Variants in WNT3 observed in about 807,000 individuals in gnomAD.
WNT3 encodes the protein proto-oncogene Wnt-3.
In WNT3, 7 loss-of-function variants were observed where a neutral mutation model predicts 34.2. That is an observed-to-expected ratio of 0.20 (90% CI 0.12 to 0.38). WNT3 has a LOEUF of 0.38. WNT3 is among the 10% of genes least tolerant of loss of function. WNT3 has a pLI of 1.00. For synonymous variants in WNT3, 212 were observed against 211.5 expected (o/e 1.00, Z -0.02); for missense variants, 267 against 499.8 (o/e 0.53, Z 4.44).
chr17:46,780,742 G>T (rs970510114), intron 1 of WNT3, among the ~76,000 whole-genome samples: 2 of 151,800 alleles, frequency 1.3e-5, no homozygotes, highest in Admixed American at 1.3e-4. Context: ...GCGCCACTGC[G>T]CTCCAGCCTG....
At chr17:46,792,235 G>T (rs1267945543) in intron 1 of WNT3, among the ~76,000 whole-genome samples, 1 of 152,230 alleles carries the variant, frequency 6.6e-6, no homozygotes, top group Non-Finnish European at 1.5e-5. Context: ...CACCATGGGT[G>T]GGAGGAGGTG....
chr17:46,809,672 C>T (rs981613545), intron 1 of WNT3, among the ~76,000 whole-genome samples: 10 of 152,198 alleles, frequency 6.6e-5, no homozygotes, highest in Non-Finnish European at 1.3e-4. Context: ...TCCCATGTGT[C>T]CCTGGTTGGA....
In WNT3 at chr17:46,787,091, C is replaced by G. The variant is rs1210350501; in HGVS notation, c.81-13182G>C. ...TAGCTGAGACTACAGGCACATGCCA[C>G]TATGCTCTGCTAAGTTTTTAAAATT... is the stretch of plus-strand genomic sequence containing the variant. On this transcript the variant is annotated intron_variant, in intron 1 of 4. Coordinates refer to ENST00000225512, the MANE Select transcript of WNT3 (RefSeq NM_030753.5). 2.0e-5 allele frequency among the ~76,000 whole-genome samples: 3 copies of G among 152,068 alleles called. No homozygotes were observed. The East Asian group carries it at 5.8e-4, about 29-fold the overall frequency.
intron 1 of WNT3, among the ~76,000 whole-genome samples, chr17:46,809,390 C>A (rs1481710810): frequency 6.6e-6 from 1 of 152,220 alleles, no homozygotes; most frequent in East Asian, 1.9e-4. Context: ...ATAAGTGGGA[C>A]TCTGTGCCCA....
At chr17:46,783,595 T>C (rs577246174) in intron 1 of WNT3, among the ~76,000 whole-genome samples, 9 of 152,294 alleles carry the variant, frequency 5.9e-5, no homozygotes, top group Non-Finnish European at 1.2e-4. Flanking sequence ...CCCAAGGCAC[T>C]TGTAACTTTC....
intron 1 of WNT3, among the ~76,000 whole-genome samples, chr17:46,790,867 G>A (rs1329825181): frequency 6.6e-6 from 1 of 152,186 alleles, no homozygotes; most frequent in African/African-American, 2.4e-5. Flanking sequence ...ACACGCTCAC[G>A]TACATCGGAA....
chr17:46,790,163 C>T (rs572394963), intron 1 of WNT3, among the ~76,000 whole-genome samples: 1 of 152,318 alleles, frequency 6.6e-6, no homozygotes, highest in South Asian at 2.1e-4. Context: ...TCAGTCCCTG[C>T]CACCCATTCC....
At chr17:46,773,522 T>G in intron 2 of WNT3, 146 bp downstream of exon 2, 1 of 909,748 alleles carries the variant, frequency 1.1e-6, no homozygotes, top group Non-Finnish European at 1.7e-6. Flanking sequence ...CCTGGGAAGG[T>G]GTGGCAGTCA....
chr17:46,773,646 C>T (rs547317258), intron 2 of WNT3, 22 bp downstream of exon 2: 12 of 1,458,904 alleles, frequency 8.2e-6, no homozygotes, highest in East Asian at 2.7e-5. Context: ...CCCCTCCCCC[C>T]CCCTCAGCCC....
At chr17:46,773,628 C>CCA in intron 2 of WNT3, 40 bp downstream of exon 2, 1 of 435,286 alleles carries the variant, frequency 2.3e-6, no homozygotes. Context: ...ATCCCTCCCC[C>CCA]CACCCAGCCC....
chr17:46,788,373 G>A (rs1008652730), intron 1 of WNT3, among the ~76,000 whole-genome samples: 4 of 152,074 alleles, frequency 2.6e-5, no homozygotes, highest in African/African-American at 4.8e-5. Flanking sequence ...TTAGGCTGCC[G>A]TTCTGAGCAG....
Position 46,768,398 on chromosome 17 carries a change from G to A in WNT3, c.990C>T (p.Cys330=), listed in dbSNP as rs558188140. The A allele has an allele frequency of 2.5e-6, 4 of 1,613,934 alleles. No individual in the cohort carries two copies. In the East Asian group the frequency reaches 6.7e-5, roughly 27 times the overall value. The change falls in exon 4 of 5, where the codon TGC becomes TGT. Residue 330 remains cysteine, a synonymous_variant. Transcript: ENST00000225512. This position sits in a 1 kb window ranked among gnomAD's most constrained non-coding sequence, Gnocchi z 5.0. ...AGCAGCACCAGTGGAAGATGCAGTG[G>A]CATTTTTCCTTCCGCTTCTCCGTCC... ...NTRTEKRKEK[C]HCIFHWCCYV...
intron 1 of WNT3, among the ~76,000 whole-genome samples, chr17:46,798,771 T>C (rs547946652): frequency 5.5e-4 from 83 of 152,214 alleles, no homozygotes; most frequent in African/African-American, 1.9e-3. Flanking sequence ...CCTGATAGGC[T>C]GGGCGCAGTG....
intron 1 of WNT3, among the ~76,000 whole-genome samples, chr17:46,783,048 AGGGGCTAGTTCATTCTCTCAAC>A (rs951451906): frequency 2.8e-4 from 43 of 152,142 alleles, no homozygotes; most frequent in African/African-American, 4.3e-4. Context: ...CCTTGCCATT[AGGGGCTAGTTCATTCTCTCAAC>A]GGGGCTAGTT....
At chr17:46,809,295 G>C (rs1216319055) in intron 1 of WNT3, among the ~76,000 whole-genome samples, 5 of 152,154 alleles carry the variant, frequency 3.3e-5, no homozygotes, top group African/African-American at 9.7e-5. Context: ...GCGGGATCCT[G>C]CTCACTCACA....
rs1598748600 is a variant in WNT3 at position 46,763,018 on chromosome 17, G to C, written c.*1612C>G. The C allele has an allele frequency of 6.6e-6, 1 of 152,150 alleles. No homozygotes were observed. Among genetic ancestry groups the C allele is most frequent in the Non-Finnish European group, 1.5e-5 (1 of 68,022 alleles). The allele number at this position is 152,150 out of a possible 1,614,324, so 9.4% of individuals were successfully genotyped here. A position where few individuals can be genotyped will look rare whatever the true frequency, so the allele number is the denominator to read the frequency against. On this transcript the variant is annotated 3_prime_UTR_variant, in exon 5 of 5. Coordinates refer to ENST00000225512, the MANE Select transcript of WNT3 (RefSeq NM_030753.5). ...GAGGGGCATTTCAGACTTGGCGGAGGGGGTGAGATGTGTATCTTTAGCAGG... is the reference window on the plus strand; with the variant it reads ...GAGGGGCATTTCAGACTTGGCGGAGCGGGTGAGATGTGTATCTTTAGCAGG...
At chr17:46,793,272 TAAAAAAAAAAA>T (rs71138551) in intron 1 of WNT3, among the ~76,000 whole-genome samples, 1,031 of 42,008 alleles carry the variant, frequency 0.025, 30 homozygotes, top group Middle Eastern at 0.11. Context: ...AGACCCTGTC[TAAAAAAAAAAA>T]AAAAAAAAAA....
chr17:46,818,548 G>C lies in WNT3; in HGVS notation c.50C>G (p.Thr17Ser), dbSNP rs886044337. The C allele has an allele frequency of 1.9e-6, 3 of 1,609,066 alleles. No individual in the cohort carries two copies. The highest frequency in any genetic ancestry group is 1.7e-6 in the Non-Finnish European group (2 of 1,178,536). The change falls in exon 1 of 5, where the codon ACC becomes AGC. Residue 17 changes from threonine to serine, a missense_variant. Physicochemically the swap from Thr to Ser is moderately conservative, Grantham distance 58. Transcript: ENST00000225512. ...GLLLGLLLGG[T>S]RVLAGYPIWW... ...AATTGGGTAGCCAGCGAGGACCCTGGTGCCACCGAGCAGGAGGCCGAGGAG... is the reference window on the plus strand; with the variant it reads ...AATTGGGTAGCCAGCGAGGACCCTGCTGCCACCGAGCAGGAGGCCGAGGAG...
chr17:46,790,229 G>C (rs2083964963), intron 1 of WNT3, among the ~76,000 whole-genome samples: 1 of 152,216 alleles, frequency 6.6e-6, no homozygotes, highest in South Asian at 2.1e-4. Flanking sequence ...GCCTGGGTTT[G>C]CAAACATGCA....
Sources: gnomAD v4.1 joint callset for allele counts (sites outside exome capture counted in the v4.1 genomes callset) on GRCh38, gnomAD v4.1.1 for gene constraint, Gnocchi (gnomAD v3.1) non-coding constraint, MANE v1.5 for transcripts, NCBI Gene and HGNC (gene_info 2026-07-23, HGNC 2026-07-21) for gene names.